ARMH3: variants seen among roughly 807,000 people sequenced by gnomAD.
The protein encoded by ARMH3 is armadillo like helical domain containing 3, also known as armadillo-like helical domain-containing protein 3.
Under a neutral mutation model 99.1 loss-of-function variants are expected in ARMH3, and 60 were observed. The ratio of observed to expected loss-of-function variants is 0.61; its 90% CI spans 0.49 to 0.75. The LOEUF (loss-of-function observed/expected upper bound fraction) is 0.75. Among genes scored for constraint, ARMH3 ranks in the 30% least tolerant of loss-of-function variants. ARMH3 has a pLI of 0.00. For synonymous variants in ARMH3, 285 were observed against 292.8 expected (o/e 0.97, Z 0.27); for missense variants, 679 against 843.1 (o/e 0.81, Z 2.41).
intron 8 of ARMH3, among the ~76,000 whole-genome samples, chr10:102,017,378 A>G (rs2066773218): frequency 2.0e-5 from 3 of 152,212 alleles, no homozygotes; most frequent in Admixed American, 2.0e-4. Context: ...AGAGATGCAT[A>G]CTTCATTCCA....
chr10:102,034,657 G>C (rs1286299715), intron 2 of ARMH3, among the ~76,000 whole-genome samples: 1 of 147,498 alleles, frequency 6.8e-6, no homozygotes, highest in Non-Finnish European at 1.5e-5. Flanking sequence ...AGAAAAAAAA[G>C]AGAAGCCCTA....
chr10:101,943,235 C>G (rs553526895), intron 22 of ARMH3, among the ~76,000 whole-genome samples: 4 of 152,178 alleles, frequency 2.6e-5, no homozygotes, highest in Non-Finnish European at 5.9e-5. Flanking sequence ...ACATCTCTTG[C>G]AGACACTGAT....
intron 9 of ARMH3, 131 bp downstream of exon 9, chr10:102,013,837 T>C (rs1202246012): frequency 1.3e-6 from 1 of 741,332 alleles, no homozygotes; most frequent in Non-Finnish European, 2.2e-6. Flanking sequence ...AAAGAAATAT[T>C]AATTCCCTCT....
At chr10:102,021,800 C>T (rs1421211630) in intron 8 of ARMH3, among the ~76,000 whole-genome samples, 1 of 152,166 alleles carries the variant, frequency 6.6e-6, no homozygotes, top group African/African-American at 2.4e-5. Context: ...CCCGCCTCAG[C>T]CTCCCAAAGT....
At chr10:102,010,934 GA>G (rs2066616927) in intron 11 of ARMH3, among the ~76,000 whole-genome samples, 1 of 152,150 alleles carries the variant, frequency 6.6e-6, no homozygotes, top group South Asian at 2.1e-4. Flanking sequence ...AGCAGTGGAG[GA>G]AAAAGAATTG....
chr10:101,942,485 TG>T (rs1249302325), intron 22 of ARMH3, among the ~76,000 whole-genome samples: 10 of 152,258 alleles, frequency 6.6e-5, no homozygotes, highest in African/African-American at 2.2e-4. Flanking sequence ...TTTATGGTTC[TG>T]GGTAGCTTCT....
chr10:101,992,175 G>T, intron 17 of ARMH3, 137 bp from the exon 18 acceptor site: 1 of 760,948 alleles, frequency 1.3e-6, no homozygotes. Flanking sequence ...TCACATGGTG[G>T]GAGAGGAATG....
Position 102,012,852 on chromosome 10 carries a change from C to A in ARMH3, c.751G>T (p.Ala251Ser), listed in dbSNP as rs776115367. Residue 251 changes from alanine to serine, a missense_variant, in exon 10 of 26, where the codon GCT becomes TCT. Transcript: ENST00000370033. ...ACTTACCTGTTGTACTCAGATAAAG[C>A]CTGAGCAATTACAAGTCCCATTCCC... ...LNGMGLVIAQ[A>S]LSEYNRQYKD... 8 of 1,610,792 alleles carry A rather than the reference C, an allele frequency of 5.0e-6. No individual in the cohort carries two copies. Among genetic ancestry groups the A allele is most frequent in the Non-Finnish European group, 2.5e-6 (3 of 1,178,222 alleles).
Position 102,029,708 on chromosome 10 carries a change from T to C in ARMH3, c.344A>G (p.Asn115Ser). Reference protein sequence around the residue: ...CALIRGVHQKNKSTSGFDIIN... With the variant: ...CALIRGVHQKSKSTSGFDIIN... ...AATGTCAAACCCAGAGGTAGACTTA[T>C]TCTTTTGATGGACTCCTCGAATGAG... Residue 115 changes from asparagine (N) to serine (S), a missense_variant, in exon 5 of 26, where the codon AAT (asparagine) becomes AGT (serine). Transcript: ENST00000370033. 2 of 1,614,180 alleles carry C rather than the reference T, an allele frequency of 1.2e-6. No homozygotes were observed. The highest frequency in any genetic ancestry group is 1.7e-6 in the Non-Finnish European group (2 of 1,180,038).
At chr10:101,894,785 A>T (rs892085599) in intron 23 of ARMH3, among the ~76,000 whole-genome samples, 12 of 151,566 alleles carry the variant, frequency 7.9e-5, no homozygotes, top group Admixed American at 2.0e-4. Flanking sequence ...AGGCAGGAGA[A>T]CTGCTTGAAC....
intron 8 of ARMH3, among the ~76,000 whole-genome samples, chr10:102,021,768 G>A (rs933496732): frequency 4.0e-5 from 6 of 151,790 alleles, no homozygotes; most frequent in Admixed American, 6.6e-5. Context: ...GGATGGTCTC[G>A]ATCTCCCAAC....
chr10:101,882,402 A>G (rs1251806177), intron 24 of ARMH3, among the ~76,000 whole-genome samples: 1 of 152,200 alleles, frequency 6.6e-6, no homozygotes, highest in Non-Finnish European at 1.5e-5. Flanking sequence ...GCATTTGTAA[A>G]CCAACTCAAA....
chr10:101,847,477 C>A lies in ARMH3; in HGVS notation c.*51G>T. ...CTCTCCCCTCGCTCCCCCTCCAGCC[C>A]ATGATCCTCATGGGTAAGGGCAGTC... On this transcript the variant is annotated 3_prime_UTR_variant, in exon 26 of 26. Coordinates refer to ENST00000370033, the MANE Select transcript of ARMH3 (RefSeq NM_024541.3). The A allele has an allele frequency of 6.4e-7, 1 of 1,573,736 alleles. No homozygotes were observed. Among genetic ancestry groups the A allele is most frequent in the East Asian group, 2.2e-5 (1 of 44,632 alleles).
At chr10:102,029,612 A>T (rs1324468262) in intron 5 of ARMH3, 26 bp downstream of exon 5, 1 of 1,614,242 alleles carries the variant, frequency 6.2e-7, no homozygotes, top group Non-Finnish European at 8.5e-7. Context: ...TGCCATCCAC[A>T]GGCACATCTG....
chr10:101,901,654 T>C (rs1034835907), intron 23 of ARMH3, among the ~76,000 whole-genome samples: 2 of 152,154 alleles, frequency 1.3e-5, no homozygotes, highest in East Asian at 3.9e-4. Flanking sequence ...CTCACAGAGA[T>C]GGCTTCCTAT....
At chr10:101,918,654 G>A (rs1480693921) in intron 23 of ARMH3, among the ~76,000 whole-genome samples, 6 of 152,206 alleles carry the variant, frequency 3.9e-5, no homozygotes, top group Admixed American at 2.6e-4. Context: ...TAATCACCAT[G>A]AAGAGCAATC....
chr10:101,948,357 T>C (rs1439711396), intron 22 of ARMH3, among the ~76,000 whole-genome samples: 2 of 152,186 alleles, frequency 1.3e-5, no homozygotes, highest in African/African-American at 4.8e-5. Flanking sequence ...CATCTGTGAA[T>C]AGCCACTGTA....
chr10:102,017,722 G>A (rs554762457), intron 8 of ARMH3, among the ~76,000 whole-genome samples: 2 of 152,294 alleles, frequency 1.3e-5, no homozygotes, highest in Admixed American at 6.5e-5. Flanking sequence ...TAAAATAGGT[G>A]TTGGGAATAA....
chr10:101,910,533 C>T (rs893410767), intron 23 of ARMH3, among the ~76,000 whole-genome samples: 7 of 150,860 alleles, frequency 4.6e-5, no homozygotes, highest in African/African-American at 1.7e-4. Context: ...AGTTCGAGAC[C>T]AGCCTGGCCA....
Sources: allele counts gnomAD v4.1 joint callset (sites outside exome capture counted in the v4.1 genomes callset), GRCh38; gene constraint gnomAD v4.1.1; transcripts MANE v1.5; gene names NCBI Gene and HGNC (gene_info 2026-07-23, HGNC 2026-07-21).